Variants in LOXHD1 observed in about 807,000 individuals in gnomAD.
LOXHD1 encodes the protein lipoxygenase homology domain-containing protein 1.
Under a neutral mutation model 248.2 loss-of-function variants are expected in LOXHD1, and 205 were observed. The ratio of observed to expected loss-of-function variants is 0.83; its 90% CI spans 0.74 to 0.93. The LOEUF is 0.93. LOXHD1 is among the 40% of genes least tolerant of loss of function. The pLI is 0.00. For missense variants in LOXHD1, 2,930 were observed against 2,971.6 expected (o/e 0.99, Z 0.33); for synonymous variants, 1,113 against 1,162.8 (o/e 0.96, Z 0.87).
intron 37 of LOXHD1, among the ~76,000 whole-genome samples, chr18:46,495,991 C>G (rs1003743842): frequency 2.0e-5 from 3 of 152,088 alleles, no homozygotes; most frequent in Non-Finnish European, 4.4e-5. Flanking sequence ...GAGATGGCGC[C>G]GCTGCACTCC....
chr18:46,529,349 C>CAG lies in LOXHD1; in HGVS notation c.4376-20_4376-19dup. On this transcript the variant is annotated intron_variant, in intron 28 of 40. Transcript: ENST00000642948. The stretch of plus-strand genomic sequence containing the variant: ...CAGCACAACTGGGCAGGTGGTGGGA[C>CAG]AGACAGACAGACAAAGGGAAGAAAA... The CAG allele has an allele frequency of 6.6e-7, 1 of 1,509,700 alleles. No individual in the cohort carries two copies. Among genetic ancestry groups the CAG allele is most frequent in the African/African-American group, 1.4e-5 (1 of 72,152 alleles). 93.5% of individuals were successfully genotyped at this position (1,509,700 alleles called of 1,614,324 possible). A position where few individuals can be genotyped will look rare whatever the true frequency, so the allele number is the denominator to read the frequency against.
intron 1 of LOXHD1, among the ~76,000 whole-genome samples, chr18:46,654,102 G>C (rs192634618): frequency 6.6e-6 from 1 of 152,174 alleles, no homozygotes; most frequent in Non-Finnish European, 1.5e-5. Context: ...ATTGGGTGCC[G>C]TTATAAAGGG....
chr18:46,544,428 A>G (rs913535125), intron 23 of LOXHD1, among the ~76,000 whole-genome samples: 11 of 152,214 alleles, frequency 7.2e-5, no homozygotes, highest in Admixed American at 4.6e-4. Context: ...TTCTTTGATC[A>G]TGGTTCAGGA....
chr18:46,644,586 T>G (rs1433491085), intron 2 of LOXHD1, among the ~76,000 whole-genome samples: 1 of 152,114 alleles, frequency 6.6e-6, no homozygotes. Context: ...GGCCTGGTGG[T>G]GTGCACCTGT....
At chr18:46,541,517 G>A (rs1026329074) in intron 25 of LOXHD1, among the ~76,000 whole-genome samples, 3 of 152,148 alleles carry the variant, frequency 2.0e-5, no homozygotes, top group Non-Finnish European at 4.4e-5. Flanking sequence ...CTGAACCCTC[G>A]AGAGGTTAGG....
At chr18:46,631,620 G>T (rs2038824120) in intron 4 of LOXHD1, among the ~76,000 whole-genome samples, 2 of 152,186 alleles carry the variant, frequency 1.3e-5, no homozygotes, top group Admixed American at 1.3e-4. Flanking sequence ...GGGGCGAGGG[G>T]CCTTGACATT....
intron 21 of LOXHD1, among the ~76,000 whole-genome samples, chr18:46,553,348 G>A (rs563413416): frequency 9.6e-4 from 146 of 152,266 alleles, no homozygotes; most frequent in Non-Finnish European, 1.7e-3. Context: ...CAGATGGAAG[G>A]CCTGAGGCTC....
chr18:46,633,033 G>A (rs925565281), intron 4 of LOXHD1, among the ~76,000 whole-genome samples: 14 of 152,114 alleles, frequency 9.2e-5, no homozygotes, highest in African/African-American at 3.4e-4. Context: ...TTGAGGTGAA[G>A]GCATTTTCCT....
At chr18:46,543,484 C>T (rs8082780) in intron 23 of LOXHD1, among the ~76,000 whole-genome samples, 109,143 of 151,914 alleles carry the variant, frequency 0.72, 39,896 homozygotes, top group Non-Finnish European at 0.81. Flanking sequence ...TTTTTACATA[C>T]GTATACATGT....
intron 29 of LOXHD1, among the ~76,000 whole-genome samples, chr18:46,527,361 G>C (rs967651080): frequency 3.3e-5 from 5 of 152,178 alleles, no homozygotes; most frequent in African/African-American, 1.2e-4. Flanking sequence ...ACTAGGGCAG[G>C]GGACAGGTGA....
In LOXHD1 at chr18:46,597,929, ATTTT is replaced by A. The variant is rs10711303; in HGVS notation, c.1134+3284_1134+3287del. Among the ~76,000 whole-genome samples the A allele has an allele frequency of 9.1e-3, 1,282 of 140,192 alleles. 8 individuals are homozygous for A. Among genetic ancestry groups the A allele is most frequent in the African/African-American group, 0.02 (744 of 38,034 alleles). 92.0% of individuals were successfully genotyped at this position (140,192 alleles called of 152,430 possible). The stretch of plus-strand genomic sequence containing the variant: ...CCGCCACACCTGGCTAATTTTTTGC[ATTTT>A]TTTTTTTTTTTTTTTAGTAGAGATG... On this transcript the variant is annotated intron_variant, in intron 8 of 40. Coordinates refer to ENST00000642948, the MANE Select transcript of LOXHD1 (RefSeq NM_001384474.1).
intron 21 of LOXHD1, among the ~76,000 whole-genome samples, chr18:46,548,811 G>T (rs1003136277): frequency 5.9e-5 from 9 of 152,092 alleles, no homozygotes; most frequent in African/African-American, 2.2e-4. Context: ...AGACAGAAAA[G>T]GTACAAGCCC....
At position 46,604,198 on chromosome 18, in the gene LOXHD1, T is replaced by A; in HGVS notation, c.791A>T (p.Lys264Ile). 2 of 1,551,764 alleles carry A rather than the reference T, an allele frequency of 1.3e-6. No individual in the cohort carries two copies. ...CCAGCGGTTAAGGGGGAAGTCATAT[T>A]TTCTTTTGTTCCCAATATCTTCAAT... ...IVIEDIGNKR[K>I]YDFPLNRWLA... The change falls in exon 7 of 41, where the codon AAA (lysine) becomes ATA (isoleucine). Residue 264 changes from lysine to isoleucine, a missense_variant. Transcript: ENST00000642948.
In LOXHD1 at chr18:46,649,137, G is replaced by A; in HGVS notation, c.245+18C>T. ...GACTAATGGCCCAGGATCCCACCAAGGCCAAGTGGGTACTCACTTGCTGGT... is the reference window on the plus strand; with the variant it reads ...GACTAATGGCCCAGGATCCCACCAAAGCCAAGTGGGTACTCACTTGCTGGT... On this transcript the variant is annotated intron_variant, in intron 2 of 40. Coordinates refer to ENST00000642948, the MANE Select transcript of LOXHD1 (RefSeq NM_001384474.1). The A allele has an allele frequency of 6.5e-7, 1 of 1,542,318 alleles. No individual in the cohort carries two copies. Among genetic ancestry groups the A allele is most frequent in the Non-Finnish European group, 8.8e-7 (1 of 1,138,412 alleles).
At chr18:46,654,405 G>A (rs1294575257) in intron 1 of LOXHD1, among the ~76,000 whole-genome samples, 2 of 152,180 alleles carry the variant, frequency 1.3e-5, no homozygotes, top group East Asian at 1.9e-4. Flanking sequence ...AGATGCCTCC[G>A]GGGCTGGAAG....
chr18:46,608,027 AGGAAGGAG>A (rs1333758996), intron 6 of LOXHD1, among the ~76,000 whole-genome samples: 1 of 144,238 alleles, frequency 6.9e-6, no homozygotes, highest in East Asian at 2.2e-4. Context: ...CAAACACGGA[AGGAAGGAG>A]GGAAGGAAGG....
intron 4 of LOXHD1, among the ~76,000 whole-genome samples, chr18:46,638,691 A>G (rs185173150): frequency 6.6e-6 from 1 of 152,330 alleles, no homozygotes; most frequent in Non-Finnish European, 1.5e-5. Flanking sequence ...GTAAGTTATG[A>G]TGATAGGAAT....
At chr18:46,557,933 G>A in intron 20 of LOXHD1, 1 of 1,044,746 alleles carries the variant, frequency 9.6e-7, no homozygotes, top group Non-Finnish European at 1.2e-6. Flanking sequence ...CAAATCCAAA[G>A]TGACTGTCAG....
Position 46,560,248 on chromosome 18 carries a change from C to T in LOXHD1, c.2896G>A (p.Glu966Lys). ...ESSSSEESSS[E>K]EEEMEEEEEE... Reference sequence around the variant, plus strand: ...TCCTCTTCTTCCATCTCCTCCTCCTCTGACGAGGACTCCTCTGATGAGGAC... The same window carrying T: ...TCCTCTTCTTCCATCTCCTCCTCCTTTGACGAGGACTCCTCTGATGAGGAC... The change falls in exon 19 of 41, where the codon GAG becomes AAG. Residue 966 changes from glutamate (E) to lysine (K), a missense_variant. Transcript: ENST00000642948. 6.5e-7 allele frequency: 1 copy of T among 1,548,532 alleles called. No individual in the cohort carries two copies. The highest frequency in any genetic ancestry group is 8.7e-7 in the Non-Finnish European group (1 of 1,143,826).
Sources: gnomAD v4.1 joint callset for allele counts (sites outside exome capture counted in the v4.1 genomes callset) on GRCh38, gnomAD v4.1.1 for gene constraint, MANE v1.5 for transcripts, NCBI Gene and HGNC (gene_info 2026-07-23, HGNC 2026-07-21) for gene names.